The following ITGAX variants were observed in gnomAD, a reference collection of about 807,000 sequenced individuals.
ITGAX encodes integrin alpha-X.
Under a neutral mutation model 140.2 loss-of-function variants are expected in ITGAX, and 99 were observed. The observed-to-expected ratio is 0.71, with a 90% confidence interval of 0.60 to 0.83. ITGAX has a LOEUF of 0.83. ITGAX is among the 40% of genes least tolerant of loss of function. The probability of loss-of-function intolerance (pLI) is 0.00; values close to 1 mark genes in which losing one functional copy is unlikely to be tolerated. For missense variants in ITGAX, 1,444 were observed against 1,482.0 expected (o/e 0.97, Z 0.42); for synonymous variants, 631 against 600.4 (o/e 1.05, Z -0.75).
At position 31,377,022 on chromosome 16, in the gene ITGAX, A is replaced by C; in HGVS notation, c.2648A>C (p.Asp883Ala). The C allele has an allele frequency of 6.2e-7, 1 of 1,613,914 alleles. No individual in the cohort carries two copies. Among genetic ancestry groups the C allele is most frequent in the Non-Finnish European group, 8.5e-7 (1 of 1,179,970 alleles). The change falls in exon 22 of 30, where the codon GAC (aspartate) becomes GCC (alanine). Residue 883 changes from aspartate (D) to alanine (A), a missense_variant. Coordinates refer to ENST00000268296, the MANE Select transcript of ITGAX (RefSeq NM_000887.5). Reference sequence around the variant, plus strand: ...CAGATCACCTTCTTGGCTACCTTTGACGTCTCCCCCAAGGCTGTCCTGGGA... The same window carrying C: ...CAGATCACCTTCTTGGCTACCTTTGCCGTCTCCCCCAAGGCTGTCCTGGGA... ...GAQITFLATF[D>A]VSPKAVLGDR...
chr16:31,372,172 G>GA (rs922599381), intron 17 of ITGAX, among the ~76,000 whole-genome samples: 35 of 150,708 alleles, frequency 2.3e-4, no homozygotes, highest in Non-Finnish European at 3.8e-4. Flanking sequence ...GTCTGGGGGG[G>GA]GGGAGGAAAA....
chr16:31,379,570 A>G lies in ITGAX; in HGVS notation c.2792A>G (p.His931Arg). The change falls in exon 24 of 30, where the codon CAC becomes CGC. Residue 931 changes from histidine (H) to arginine (R), a missense_variant and splice_region_variant. His to Arg is a conservative substitution (Grantham distance 29). Coordinates refer to ENST00000268296, the MANE Select transcript of ITGAX (RefSeq NM_000887.5). Reference protein sequence around the residue: ...KYAVYTVVSSHEQFTKYLNFS... With the variant: ...KYAVYTVVSSREQFTKYLNFS... ...ACTTATGCGTCTTCTCTCTCCAGCC[A>G]CGAACAATTCACCAAATACCTCAAC... The G allele has an allele frequency of 1.3e-6, 2 of 1,559,616 alleles. No individual in the cohort carries two copies. The highest frequency in any genetic ancestry group is 1.7e-6 in the Non-Finnish European group (2 of 1,150,496).
rs776177780 is a variant in ITGAX, at chr16:31,371,094, G to C, written c.1721G>C (p.Gly574Ala). The C allele has an allele frequency of 1.2e-6, 2 of 1,614,002 alleles. No individual in the cohort carries two copies. The highest frequency in any genetic ancestry group is 4.5e-5 in the East Asian group (2 of 44,880). ...CTCTCCTCTGGCCAGCGGATCGCGG[G>C]CTCCCAGCTCTCCTCCAGGCTGCAG... Reference protein sequence around the residue: ...ISPSHSQRIAGSQLSSRLQYF... With the variant: ...ISPSHSQRIAASQLSSRLQYF... Residue 574 changes from glycine (G) to alanine (A), a missense_variant, in exon 15 of 30, where the codon GGC becomes GCC. Coordinates refer to ENST00000268296, the MANE Select transcript of ITGAX (RefSeq NM_000887.5).
Position 31,382,775 on chromosome 16 carries a change from C to G in ITGAX, c.*868C>G, listed in dbSNP as rs373068998. The G allele has an allele frequency of 2.6e-5, 12 of 465,066 alleles. No individual in the cohort carries two copies. Among genetic ancestry groups the G allele is most frequent in the East Asian group, 7.7e-5 (2 of 26,010 alleles). The allele number at this position is 465,066 out of a possible 1,614,324, so 28.8% of individuals were successfully genotyped here. A position where few individuals can be genotyped will look rare whatever the true frequency, so the allele number is the denominator to read the frequency against. On this transcript the variant is annotated 3_prime_UTR_variant, in exon 30 of 30. Transcript: ENST00000268296. ...CGCCCTCTAGGGAGGGACATGGCCC[C>G]GGTGCGGCTGCAGCTCACCCAGCCC...
chr16:31,356,841 C>A, intron 3 of ITGAX, 113 bp downstream of exon 3: 1 of 883,518 alleles, frequency 1.1e-6, no homozygotes, highest in Non-Finnish European at 1.7e-6. Context: ...CTGAGACCCT[C>A]ACCCTCAGAT....
chr16:31,362,943 C>T lies in ITGAX; in HGVS notation c.1368C>T (p.Ser456=), dbSNP rs1368360570. The part of the protein sequence containing the change: ...KAEVTGTQIG[S]YFGASLCSVD... ...CAGGCTCTGCCCTTCAGATCGGCTC[C>T]TACTTCGGGGCCTCCCTCTGCTCCG... is the stretch of plus-strand genomic sequence containing the variant. Residue 456 remains serine (S), a synonymous_variant, in exon 13 of 30, where the codon TCC becomes TCT. Transcript: ENST00000268296. 6.2e-7 allele frequency: 1 copy of T among 1,611,674 alleles called. No homozygotes were observed. Among genetic ancestry groups the T allele is most frequent in the Non-Finnish European group, 8.5e-7 (1 of 1,179,784 alleles).
chr16:31,361,415 C>A (rs2080823839), intron 9 of ITGAX: 2 of 701,808 alleles, frequency 2.8e-6, no homozygotes, highest in South Asian at 3.5e-5. Flanking sequence ...CCAGGGATGG[C>A]CCTGCTCCCC....
rs746038387 is a variant in ITGAX, at chr16:31,362,237, G to A, written c.1216+33G>A. The A allele has an allele frequency of 7.5e-6, 12 of 1,605,220 alleles. No homozygotes were observed. The Middle Eastern group carries it at 5.3e-4, about 71-fold the overall frequency. ...ACAGCCAGGGGTTGGGGACAGGTGG[G>A]AGATGCACTGCCCAGGGTGGGGTCC... On this transcript the variant is annotated intron_variant, in intron 11 of 29. Coordinates refer to ENST00000268296, the MANE Select transcript of ITGAX (RefSeq NM_000887.5).
Position 31,382,228 on chromosome 16 carries a change from C to CTTTTTTTTTTTTTTTTTTTTTTTTTT in ITGAX, c.*336_*337insTTTTTTTTTTTTTTTTTTTTTTTTTT. The CTTTTTTTTTTTTTTTTTTTTTTTTTT allele has an allele frequency of 3.3e-6, 3 of 902,772 alleles. No individual in the cohort carries two copies. The highest frequency in any genetic ancestry group is 9.1e-5 in the Admixed American group (2 of 21,934). 55.9% of individuals were successfully genotyped at this position (902,772 alleles called of 1,614,324 possible). A position where few individuals can be genotyped will look rare whatever the true frequency, so the allele number is the denominator to read the frequency against. ...GGCACGAATGATCTTTCTTTCCTTT[C>CTTTTTTTTTTTTTTTTTTTTTTTTTT]TTTTTTTTTTTTTTTCTTTTCTTTT... On this transcript the variant is annotated 3_prime_UTR_variant, in exon 30 of 30. Coordinates refer to ENST00000268296, the MANE Select transcript of ITGAX (RefSeq NM_000887.5).
At position 31,382,208 on chromosome 16, in the gene ITGAX, G is replaced by A. The variant is rs1465226573; in HGVS notation, c.*301G>A. The A allele has an allele frequency of 9.6e-6, 13 of 1,356,664 alleles. No individual in the cohort carries two copies. Among genetic ancestry groups the A allele is most frequent in the Middle Eastern group, 5.5e-4 (2 of 3,660 alleles). The allele number at this position is 1,356,664 out of a possible 1,614,324, so 84.0% of individuals were successfully genotyped here. The stretch of plus-strand genomic sequence containing the variant: ...CAGTCTCCCTTCTCCCATGAGGCAC[G>A]AATGATCTTTCTTTCCTTTCTTTTT... On this transcript the variant is annotated 3_prime_UTR_variant, in exon 30 of 30. Transcript: ENST00000268296.
At position 31,371,406 on chromosome 16, in the gene ITGAX, G is replaced by T. The variant is rs774639556; in HGVS notation, c.1914G>T (p.Glu638Asp). 1 of 1,614,218 alleles carries T rather than the reference G, an allele frequency of 6.2e-7. No individual in the cohort carries two copies. Among genetic ancestry groups the T allele is most frequent in the Admixed American group, 1.7e-5 (1 of 60,022 alleles). ...IPAEIPRSAF[E>D]CREQVVSEQT... ...CCGAGATCCCCAGGTCTGCGTTTGA[G>T]TGTCGGGAGCAGGTGGTCTCTGAGC... The change falls in exon 16 of 30, where the codon GAG (glutamate) becomes GAT (aspartate). Residue 638 changes from glutamate to aspartate, a missense_variant. Transcript: ENST00000268296.
chr16:31,364,148 C>T (rs1317066998), intron 14 of ITGAX, among the ~76,000 whole-genome samples: 1 of 152,082 alleles, frequency 6.6e-6, no homozygotes, highest in Non-Finnish European at 1.5e-5. Context: ...AGGGGCTGCT[C>T]CAGGTGGCTC....
chr16:31,360,137 G>A (rs750526658), intron 7 of ITGAX, 72 bp downstream of exon 7: 30 of 1,582,944 alleles, frequency 1.9e-5, no homozygotes, highest in South Asian at 4.5e-5. Context: ...CTGTCTCCAC[G>A]AGAAGGGGAC....
chr16:31,373,239 TG>T lies in ITGAX; in HGVS notation c.2367-9del. 1 of 1,405,122 alleles carries T rather than the reference TG, an allele frequency of 7.1e-7. No individual in the cohort carries two copies. Among genetic ancestry groups the T allele is most frequent in the Non-Finnish European group, 9.6e-7 (1 of 1,046,894 alleles). 87.0% of individuals were successfully genotyped at this position (1,405,122 alleles called of 1,614,324 possible). ...GAATCATCTTCTCCTTTCCTTCACC[TG>T]ATACCCAGCTTGAAGTCCCTGCTGG... On this transcript the variant is annotated splice_polypyrimidine_tract_variant and intron_variant, in intron 19 of 29. Coordinates refer to ENST00000268296, the MANE Select transcript of ITGAX (RefSeq NM_000887.5).
chr16:31,371,930 A>G (rs575639869), intron 17 of ITGAX, 146 bp downstream of exon 17: 1 of 886,252 alleles, frequency 1.1e-6, no homozygotes, highest in African/African-American at 1.7e-5. Context: ...CACGTTAGCC[A>G]GTGAGTGAGT....
chr16:31,362,455 T>G (rs1174437336), intron 11 of ITGAX, among the ~76,000 whole-genome samples, 156 bp from the exon 12 acceptor site: 3 of 96,760 alleles, frequency 3.1e-5, no homozygotes, highest in African/African-American at 8.2e-5. Context: ...CTGGGGTGGG[T>G]TCCAGGGTTC....
In ITGAX at chr16:31,356,003, G is replaced by A. The variant is rs886814732; in HGVS notation, c.143+5G>A. On this transcript the variant is annotated splice_donor_5th_base_variant and intron_variant, in intron 2 of 29. Coordinates refer to ENST00000268296, the MANE Select transcript of ITGAX (RefSeq NM_000887.5). ...GGTCCAGTATGCCAACTCCTGGTGA[G>A]GCCCAGGTGGTGCTGGCCTTTGGCT... is the stretch of plus-strand genomic sequence containing the variant. 5 of 1,603,014 alleles carry A rather than the reference G, an allele frequency of 3.1e-6. No individual in the cohort carries two copies. The highest frequency in any genetic ancestry group is 4.3e-6 in the Non-Finnish European group (5 of 1,171,400).
intron 5 of ITGAX, 192 bp downstream of exon 5, chr16:31,357,556 C>T (rs1322100410): frequency 8.7e-6 from 5 of 575,996 alleles, no homozygotes; most frequent in Non-Finnish European, 1.5e-5. Flanking sequence ...CGGACCTTTC[C>T]TGTGACCTTA....
At position 31,381,896 on chromosome 16, in the gene ITGAX, A is replaced by G. The variant is rs965787230; in HGVS notation, c.3481A>G (p.Ser1161Gly). ...ENGTQTPSPPSEK is the reference protein window; with the variant it reads ...ENGTQTPSPPGEK Reference sequence around the variant, plus strand: ...CGGGACACAGACCCCCAGCCCGCCCAGTGAGAAATGATCCCCTCTTTGCCT... The same window carrying G: ...CGGGACACAGACCCCCAGCCCGCCCGGTGAGAAATGATCCCCTCTTTGCCT... The change falls in exon 30 of 30, where the codon AGT becomes GGT. Residue 1161 changes from serine (S) to glycine (G), a missense_variant. By Grantham distance (56) the Ser-to-Gly change is moderately conservative (BLOSUM62 0). Coordinates refer to ENST00000268296, the MANE Select transcript of ITGAX (RefSeq NM_000887.5). 2 of 907,254 alleles carry G rather than the reference A, an allele frequency of 2.2e-6. No individual in the cohort carries two copies. Among genetic ancestry groups the G allele is most frequent in the East Asian group, 4.8e-5 (2 of 41,798 alleles). The allele number at this position is 907,254 out of a possible 1,614,324, so 56.2% of individuals were successfully genotyped here. A position where few individuals can be genotyped will look rare whatever the true frequency, so the allele number is the denominator to read the frequency against.
Sources: allele counts gnomAD v4.1 joint callset (sites outside exome capture counted in the v4.1 genomes callset), GRCh38; gene constraint gnomAD v4.1.1; transcripts MANE v1.5; gene names NCBI Gene and HGNC (gene_info 2026-07-23, HGNC 2026-07-21).